Variants in ANO3 observed in about 807,000 individuals in gnomAD.
ANO3 encodes the protein anoctamin-3.
Under a neutral mutation model 144.8 loss-of-function variants are expected in ANO3, and 99 were observed. That is an observed-to-expected ratio of 0.68 (90% CI 0.58 to 0.81). ANO3 has a LOEUF of 0.81. Ranked by LOEUF, ANO3 falls within the 30% of genes least tolerant of loss-of-function variation. ANO3 has a pLI of 0.00. For synonymous variants in ANO3, 414 were observed against 392.6 expected, an observed-to-expected ratio of 1.05 and a Z score of -0.64; for missense variants, 905 against 1,202.2, an observed-to-expected ratio of 0.75 and a Z score of 3.66.
intron 1 of ANO3, among the ~76,000 whole-genome samples, chr11:26,264,192 T>C (rs755317213): frequency 1.3e-5 from 2 of 152,206 alleles, no homozygotes; most frequent in Non-Finnish European, 2.9e-5. Flanking sequence ...TTTTGAAATA[T>C]TTCCAAGAAA....
intron 1 of ANO3, among the ~76,000 whole-genome samples, chr11:26,296,935 T>A (rs865860914): frequency 6.6e-6 from 1 of 152,158 alleles, no homozygotes; most frequent in Admixed American, 6.5e-5. Flanking sequence ...ATGTTATATA[T>A]GAATCTTCTC....
intron 14 of ANO3, among the ~76,000 whole-genome samples, chr11:26,567,498 T>G (rs1237096208): frequency 6.6e-6 from 1 of 151,956 alleles, no homozygotes; most frequent in Non-Finnish European, 1.5e-5. Flanking sequence ...ATGTGTTGAT[T>G]TTAAATAGCA....
intron 23 of ANO3, 102 bp from the exon 24 acceptor site, chr11:26,647,607 G>A: frequency 9.1e-7 from 1 of 1,094,958 alleles, no homozygotes; most frequent in Non-Finnish European, 1.3e-6. Flanking sequence ...GGACAGAGCT[G>A]TGGTTCCAAC....
In ANO3 at chr11:26,622,555, G is replaced by T. The variant is rs1396235727; in HGVS notation, c.1837-1907G>T. On this transcript the variant is annotated intron_variant, in intron 17 of 26. Coordinates refer to ENST00000256737, the MANE Select transcript of ANO3 (RefSeq NM_031418.4). ...AAGGAAGTTTAGGATGCAGTGAGTT[G>T]TGATCATGCCATTGCACTCCAGCCT... Among the ~76,000 whole-genome samples the T allele has an allele frequency of 3.3e-5, 5 of 152,140 alleles. No individual in the cohort carries two copies. In the South Asian group the frequency reaches 6.2e-4, roughly 19 times the overall value.
intron 1 of ANO3, among the ~76,000 whole-genome samples, chr11:26,337,879 G>C (rs761814561): frequency 1.3e-5 from 2 of 152,028 alleles, no homozygotes; most frequent in Non-Finnish European, 2.9e-5. Context: ...ATGTTGCAGT[G>C]AGCCGAGATT....
At chr11:26,493,063 C>A (rs1239410796) in intron 4 of ANO3, among the ~76,000 whole-genome samples, 1 of 152,174 alleles carries the variant, frequency 6.6e-6, no homozygotes, top group Non-Finnish European at 1.5e-5. Context: ...TAAAGGACGT[C>A]ACTTTAATAT....
chr11:26,312,916 A>T (rs147887117), intron 1 of ANO3, among the ~76,000 whole-genome samples: 1,673 of 152,302 alleles, frequency 0.011, 29 homozygotes, highest in Non-Finnish European at 0.013. Flanking sequence ...GAACATGGTA[A>T]ATAATTAAAT....
At chr11:26,573,760 A>G (rs1356128498) in intron 14 of ANO3, among the ~76,000 whole-genome samples, 1 of 152,090 alleles carries the variant, frequency 6.6e-6, no homozygotes, top group Non-Finnish European at 1.5e-5. Context: ...CCTCCTTACA[A>G]TCATAATCAA....
intron 17 of ANO3, among the ~76,000 whole-genome samples, chr11:26,605,449 A>G (rs1851908629): frequency 6.6e-6 from 1 of 152,178 alleles, no homozygotes; most frequent in Admixed American, 6.5e-5. Context: ...ATAAAATGAA[A>G]TAGAGAGGAG....
intron 4 of ANO3, among the ~76,000 whole-genome samples, chr11:26,485,994 G>A (rs1354413523): frequency 2.6e-5 from 4 of 151,974 alleles, no homozygotes; most frequent in African/African-American, 9.7e-5. Context: ...ACAAGTCAAT[G>A]AAAAATAACC....
chr11:26,552,191 C>T (rs421668), intron 12 of ANO3, among the ~76,000 whole-genome samples: 140,845 of 152,026 alleles, frequency 0.93, 65,352 homozygotes, highest in East Asian at 0.99. Flanking sequence ...GACATAAAAT[C>T]ATCTTTGCCC....
At chr11:26,341,277 G>T (rs1855352335) in intron 1 of ANO3, among the ~76,000 whole-genome samples, 1 of 152,062 alleles carries the variant, frequency 6.6e-6, no homozygotes, top group Admixed American at 6.6e-5. Context: ...GCGAAAATGT[G>T]TATTAGGTTT....
At chr11:26,208,857 T>C (rs1012716901) in intron 1 of ANO3, among the ~76,000 whole-genome samples, 2 of 152,186 alleles carry the variant, frequency 1.3e-5, no homozygotes, top group African/African-American at 4.8e-5. Context: ...ATAAATATAT[T>C]TTTTAAACTG....
At chr11:26,358,742 A>G (rs1855851129) in intron 1 of ANO3, among the ~76,000 whole-genome samples, 2 of 152,044 alleles carry the variant, frequency 1.3e-5, no homozygotes, top group Admixed American at 1.3e-4. Context: ...GTATTAAGCT[A>G]TATGAAGTTT....
chr11:26,465,492 CA>C lies in ANO3; in HGVS notation c.432+2346del, dbSNP rs150795628. On this transcript the variant is annotated intron_variant, in intron 4 of 26. Transcript: ENST00000256737. The stretch of plus-strand genomic sequence containing the variant: ...ATGACAAAGCAAATTTATGAGGAGT[CA>C]ACAGAAAGGGGGCACAGACTTGAAG... 8.0e-3 allele frequency among the ~76,000 whole-genome samples: 1,213 copies of C among 151,726 alleles called. 21 individuals are homozygous for C. The highest frequency in any genetic ancestry group is 0.028 in the African/African-American group (1,144 of 41,416).
At chr11:26,638,711 A>G (rs1389976874) in intron 20 of ANO3, among the ~76,000 whole-genome samples, 1 of 152,242 alleles carries the variant, frequency 6.6e-6, no homozygotes, top group Admixed American at 6.5e-5. Flanking sequence ...GGAACTCTGT[A>G]CTATCTTTGC....
chr11:26,443,809 T>G lies in ANO3; in HGVS notation c.286T>G (p.Phe96Val). Residue 96 changes from phenylalanine (F) to valine (V), a missense_variant, in exon 3 of 27, where the codon TTT (phenylalanine) becomes GTT (valine). Physicochemically the swap from Phe to Val is conservative, Grantham distance 50 (BLOSUM62 -1). This residue lies in a region of ANO3 where 174 missense variants were observed against 171.9 expected (regional missense o/e 1.01). Transcript: ENST00000256737. ...AAACGACTCTGTGCTGAGATGTTCA[T>G]TTGCTGACCTCAGCGATTTTTGTTT... ...NKNDSVLRCS[F>V]ADLSDFCLAL... 6.2e-7 allele frequency: 1 copy of G among 1,612,248 alleles called. No individual in the cohort carries two copies. The highest frequency in any genetic ancestry group is 8.5e-7 in the Non-Finnish European group (1 of 1,179,116).
chr11:26,660,599 A>G lies in ANO3; in HGVS notation c.*155A>G, dbSNP rs2133107039. ...TATCACAGCCATCTCTGGGATTTGA[A>G]ATATCCAGACTTGTAGGGAAGAAAA... On this transcript the variant is annotated 3_prime_UTR_variant, in exon 27 of 27. Transcript: ENST00000256737. The G allele has an allele frequency of 1.5e-6, 1 of 657,768 alleles. No homozygotes were observed. The highest frequency in any genetic ancestry group is 2.9e-5 in the East Asian group (1 of 34,112). The allele number at this position is 657,768 out of a possible 1,614,324, so 40.7% of individuals were successfully genotyped here.
In ANO3 at chr11:26,559,733, C is replaced by T. The variant is rs149918645; in HGVS notation, c.1401C>T (p.Phe467=). 1.6e-4 allele frequency: 257 copies of T among 1,610,302 alleles called. No homozygotes were observed. In the African/African-American group the frequency reaches 2.2e-3, roughly 14 times the overall value. The change falls in exon 14 of 27, where the codon TTC becomes TTT. Residue 467 remains phenylalanine, a synonymous_variant. Coordinates refer to ENST00000256737, the MANE Select transcript of ANO3 (RefSeq NM_031418.4). ...TTTCTACTCAGGTGACATATTTGTT[C>T]GATAATGGAGGGACAGTCTTCTTTG... ...SCIYAKVTYL[F]DNGGTVFFAI...
Sources: gnomAD v4.1 joint callset for allele counts (sites outside exome capture counted in the v4.1 genomes callset) on GRCh38, gnomAD v4.1.1 for gene constraint, gnomAD v4.1.1 regional missense constraint, MANE v1.5 for transcripts, NCBI Gene and HGNC (gene_info 2026-07-23, HGNC 2026-07-21) for gene names.